METTL15: variants seen among roughly 807,000 people sequenced by gnomAD.
The protein encoded by METTL15 is methyltransferase 15, mitochondrial 12S rRNA N4-cytidine, also known as 12S rRNA N(4)-cytidine methyltransferase METTL15.
Under a neutral mutation model 38.3 loss-of-function variants are expected in METTL15, and 34 were observed. That is an observed-to-expected ratio of 0.89 (90% confidence interval 0.68 to 1.18). The LOEUF is 1.18. Ranked by LOEUF, METTL15 falls within the 50% of genes most tolerant of loss-of-function variation. The probability of loss-of-function intolerance (pLI) is 0.00; values close to 1 mark genes in which losing one functional copy is unlikely to be tolerated. For synonymous variants in METTL15, 162 were observed against 170.9 expected, an observed-to-expected ratio of 0.95 and a Z score of 0.41; for missense variants, 438 against 498.4, an observed-to-expected ratio of 0.88 and a Z score of 1.15.
intron 4 of METTL15, among the ~76,000 whole-genome samples, chr11:28,265,493 G>A (rs558897397): frequency 1.3e-5 from 2 of 151,768 alleles, no homozygotes; most frequent in Non-Finnish European, 2.9e-5. Flanking sequence ...GTAGATACAC[G>A]TGCATGAAAG....
At chr11:28,255,744 C>T (rs973318126) in intron 4 of METTL15, among the ~76,000 whole-genome samples, 4 of 152,142 alleles carry the variant, frequency 2.6e-5, no homozygotes, top group Admixed American at 2.6e-4. Context: ...GCTCTTGTTG[C>T]CCAGGCTGGA....
intron 5 of METTL15, among the ~76,000 whole-genome samples, chr11:28,380,828 T>C (rs535758443): frequency 6.6e-5 from 6 of 91,220 alleles, no homozygotes; most frequent in African/African-American, 2.1e-4. Flanking sequence ...TGTAGTATTA[T>C]TAGATGAGAG....
intron 6 of METTL15, among the ~76,000 whole-genome samples, chr11:28,328,918 A>G (rs1248070056): frequency 3.3e-5 from 5 of 151,824 alleles, no homozygotes; most frequent in Non-Finnish European, 7.4e-5. Flanking sequence ...CTTGTCTTTC[A>G]TTTCTTGATG....
rs1849832260 is a variant in METTL15, at chr11:28,332,099, A to G, written c.*1258A>G. 1 of 152,200 alleles carries G rather than the reference A, an allele frequency of 6.6e-6. No homozygotes were observed. The highest frequency in any genetic ancestry group is 1.5e-5 in the Non-Finnish European group (1 of 68,024). 9.4% of individuals were successfully genotyped at this position (152,200 alleles called of 1,614,324 possible). ...GGGCAAAATAGATAGAATTAAATGC[A>G]TGAATTTTCCTCAGACTTATTTTAT... On this transcript the variant is annotated 3_prime_UTR_variant, in exon 7 of 7. Coordinates refer to ENST00000407364, the MANE Select transcript of METTL15 (RefSeq NM_001113528.2).
chr11:28,189,486 G>GT (rs143572740), intron 3 of METTL15, among the ~76,000 whole-genome samples: 246 of 150,650 alleles, frequency 1.6e-3, no homozygotes, highest in African/African-American at 4.8e-3. Context: ...GAATAATGTA[G>GT]TTTTTTTTTA....
At chr11:28,342,265 T>G (rs1849959550) in intron 3 of METTL15, among the ~76,000 whole-genome samples, 1 of 152,104 alleles carries the variant, frequency 6.6e-6, no homozygotes, top group African/African-American at 2.4e-5. Context: ...TTTTTATTTT[T>G]ATTTTTATTT....
intron 4 of METTL15, among the ~76,000 whole-genome samples, chr11:28,217,740 G>T (rs1318089506): frequency 1.3e-5 from 2 of 152,154 alleles, no homozygotes; most frequent in Non-Finnish European, 2.9e-5. Context: ...TTTGTAGGAG[G>T]TGTAAGGAAG....
intron 3 of METTL15, chr11:28,163,530 T>C: frequency 4.5e-6 from 1 of 221,528 alleles, no homozygotes. Flanking sequence ...TTCTTACTGA[T>C]CTCTCTCTCT....
At chr11:28,286,920 T>C (rs1856287342) in intron 4 of METTL15, among the ~76,000 whole-genome samples, 1 of 151,610 alleles carries the variant, frequency 6.6e-6, no homozygotes, top group South Asian at 2.1e-4. Flanking sequence ...TGTGTACATA[T>C]ATATGTACTC....
At chr11:28,117,259 GTATATATATATATATATA>G (rs60938215) in intron 3 of METTL15, among the ~76,000 whole-genome samples, 76 of 108,574 alleles carry the variant, frequency 7.0e-4, no homozygotes, top group East Asian at 1.7e-3. Context: ...GTGTGTGTGT[GTATATATATATATATATA>G]TATATATATA....
chr11:28,308,892 G>GATAGA (rs1555031564), intron 6 of METTL15, among the ~76,000 whole-genome samples: 14 of 146,896 alleles, frequency 9.5e-5, no homozygotes, highest in South Asian at 2.2e-4. Flanking sequence ...AGGTAGGTAG[G>GATAGA]TAGATAGATA....
rs534449710 is a variant in METTL15, at chr11:28,449,007, A to G, written c.*424+24643A>G. ...GCCTTAAAATATGGAGCCTCCAGAA[A>G]CTAGTGTTGAGAATAAACTTCAGTT... On this transcript the variant is annotated intron_variant and NMD_transcript_variant, in intron 6 of 7. Coordinates refer to the METTL15 transcript ENST00000532947. Among the ~76,000 whole-genome samples, 10 of 152,296 alleles carry G rather than the reference A, an allele frequency of 6.6e-5. No homozygotes were observed. The South Asian group carries it at 2.1e-3, about 32-fold the overall frequency.
chr11:28,274,839 G>A (rs1218019408), intron 4 of METTL15, among the ~76,000 whole-genome samples: 1 of 150,870 alleles, frequency 6.6e-6, no homozygotes, highest in Non-Finnish European at 1.5e-5. Context: ...TAATGTAAAT[G>A]ACGAGTTAAT....
intron 3 of METTL15, among the ~76,000 whole-genome samples, chr11:28,149,166 C>G (rs988278428): frequency 6.0e-5 from 9 of 150,460 alleles, no homozygotes; most frequent in Non-Finnish European, 1.2e-4. Flanking sequence ...ATCACATCTT[C>G]TGGACTTCAA....
intron 5 of METTL15, among the ~76,000 whole-genome samples, chr11:28,380,314 C>T (rs1359171330): frequency 6.6e-6 from 1 of 151,794 alleles, no homozygotes. Flanking sequence ...ACTACAGGCA[C>T]CTGCCATCAC....
chr11:28,117,985 CAG>C (rs1266166327), intron 3 of METTL15, among the ~76,000 whole-genome samples: 1 of 152,100 alleles, frequency 6.6e-6, no homozygotes, highest in Non-Finnish European at 1.5e-5. Flanking sequence ...GATGAATTTA[CAG>C]ATGAAACTTT....
intron 6 of METTL15, among the ~76,000 whole-genome samples, chr11:28,514,851 T>C (rs1851706373): frequency 6.6e-6 from 1 of 152,340 alleles, no homozygotes; most frequent in African/African-American, 2.4e-5. Flanking sequence ...CTAATGAACA[T>C]TAATGCAAAA....
chr11:28,348,859 T>C (rs1564902963), intron 3 of METTL15, among the ~76,000 whole-genome samples: 1 of 152,210 alleles, frequency 6.6e-6, no homozygotes, highest in East Asian at 1.9e-4. Context: ...TGTGTTCTTT[T>C]AATATGTCTG....
chr11:28,294,273 A>T (rs906168342), intron 5 of METTL15, among the ~76,000 whole-genome samples: 3 of 152,140 alleles, frequency 2.0e-5, no homozygotes, highest in African/African-American at 7.2e-5. Flanking sequence ...GAATTCATTG[A>T]AAAAGAAAAG....
Sources: allele counts gnomAD v4.1 joint callset (sites outside exome capture counted in the v4.1 genomes callset), GRCh38; gene constraint gnomAD v4.1.1; transcripts MANE v1.5; gene names NCBI Gene and HGNC (gene_info 2026-07-23, HGNC 2026-07-21).